The following GIPC2 variants were observed in gnomAD, a reference collection of about 807,000 sequenced individuals.
GIPC2 encodes the protein GIPC PDZ domain containing family member 2.
A neutral mutation model predicts 30.6 loss-of-function variants in GIPC2; 30 were observed. That is an observed-to-expected ratio of 0.98 (90% CI 0.73 to 1.33). GIPC2 has a LOEUF of 1.33. Among genes scored for constraint, GIPC2 ranks in the 40% most tolerant of loss-of-function variants. The probability of loss-of-function intolerance (pLI) is 0.00; values close to 1 mark genes in which losing one functional copy is unlikely to be tolerated. For synonymous variants in GIPC2, 167 were observed against 150.0 expected, an observed-to-expected ratio of 1.11 and a Z score of -0.83; for missense variants, 414 against 390.3, an observed-to-expected ratio of 1.06 and a Z score of -0.51.
chr1:78,111,052 C>T (rs1381694634), intron 3 of GIPC2, among the ~76,000 whole-genome samples: 1 of 152,096 alleles, frequency 6.6e-6, no homozygotes, highest in African/African-American at 2.4e-5. Flanking sequence ...TCTGGCCCAC[C>T]CTTTGATATT....
At chr1:78,127,746 G>A (rs1379467732) in intron 5 of GIPC2, among the ~76,000 whole-genome samples, 7 of 152,162 alleles carry the variant, frequency 4.6e-5, no homozygotes, top group Non-Finnish European at 7.4e-5. Context: ...CTGGAGTGCA[G>A]TGGCACAATC....
At chr1:78,055,444 C>T (rs766493833) in intron 1 of GIPC2, among the ~76,000 whole-genome samples, 22 of 152,240 alleles carry the variant, frequency 1.4e-4, no homozygotes, top group Middle Eastern at 3.4e-3. Context: ...ACAGTTGGAA[C>T]GTTGCTCATT....
intron 5 of GIPC2, among the ~76,000 whole-genome samples, chr1:78,126,301 C>G (rs1662781265): frequency 6.6e-6 from 1 of 152,096 alleles, no homozygotes. Flanking sequence ...TTTGATATAT[C>G]AGAAGTGCAT....
At chr1:78,063,527 A>G (rs1194573183) in intron 1 of GIPC2, among the ~76,000 whole-genome samples, 1 of 151,556 alleles carries the variant, frequency 6.6e-6, no homozygotes, top group East Asian at 2.0e-4. Context: ...AAAACAAAAA[A>G]CATGAAGCAG....
At chr1:78,068,116 T>G (rs956290695) in intron 1 of GIPC2, among the ~76,000 whole-genome samples, 1 of 152,228 alleles carries the variant, frequency 6.6e-6, no homozygotes, top group Non-Finnish European at 1.5e-5. Context: ...TTGTCAATGC[T>G]TATTCTTCTA....
At chr1:78,072,762 A>C (rs944094135) in intron 1 of GIPC2, among the ~76,000 whole-genome samples, 1 of 152,222 alleles carries the variant, frequency 6.6e-6, no homozygotes, top group East Asian at 1.9e-4. Context: ...TCTTATGTAT[A>C]AATATGTGGT....
chr1:78,116,818 A>G (rs993733227), intron 3 of GIPC2, among the ~76,000 whole-genome samples: 4 of 152,182 alleles, frequency 2.6e-5, no homozygotes, highest in African/African-American at 9.7e-5. Context: ...GTAAACATAC[A>G]TGTGCATGTG....
intron 4 of GIPC2, among the ~76,000 whole-genome samples, chr1:78,121,896 G>A (rs911144478): frequency 2.0e-5 from 3 of 152,194 alleles, no homozygotes; most frequent in Non-Finnish European, 4.4e-5. Context: ...TGGCTGTGAG[G>A]AGCCAGGAGA....
intron 3 of GIPC2, among the ~76,000 whole-genome samples, 186 bp from the exon 4 acceptor site, chr1:78,119,207 T>G (rs1419524618): frequency 2.6e-5 from 4 of 152,238 alleles, no homozygotes; most frequent in Non-Finnish European, 5.9e-5. Flanking sequence ...AAAGACTCTC[T>G]TATAAGAATA....
intron 3 of GIPC2, among the ~76,000 whole-genome samples, chr1:78,112,075 T>C (rs1360431413): frequency 1.3e-5 from 2 of 152,252 alleles, no homozygotes; most frequent in African/African-American, 2.4e-5. Flanking sequence ...CCTTGTAAGA[T>C]GTTTTAAGAG....
chr1:78,094,251 T>C (rs1016105206), intron 2 of GIPC2, among the ~76,000 whole-genome samples: 1 of 152,332 alleles, frequency 6.6e-6, no homozygotes, highest in African/African-American at 2.4e-5. Flanking sequence ...TGGGCCTCAA[T>C]TGAAATGATT....
chr1:78,133,640 G>T (rs190676334), intron 5 of GIPC2, among the ~76,000 whole-genome samples: 1 of 152,084 alleles, frequency 6.6e-6, no homozygotes, highest in East Asian at 1.9e-4. Context: ...GATTTATGAG[G>T]GTACAGCATT....
rs1345565841 is a variant in GIPC2 at position 78,099,729 on chromosome 1, C to T, written c.607+4597C>T. ...CTAGGATTACAGGCGTGAGTCACTG[C>T]GCCCAGCCAGGAAAAGCTTTCTAAG... On this transcript the variant is annotated intron_variant, in intron 3 of 5. Coordinates refer to ENST00000370759, the MANE Select transcript of GIPC2 (RefSeq NM_017655.6). Among the ~76,000 whole-genome samples the T allele has an allele frequency of 4.6e-5, 7 of 152,102 alleles. No homozygotes were observed. In the South Asian group the frequency reaches 6.2e-4, roughly 14 times the overall value.
chr1:78,072,425 T>A (rs369425550), intron 1 of GIPC2, among the ~76,000 whole-genome samples: 1 of 151,636 alleles, frequency 6.6e-6, no homozygotes, highest in South Asian at 2.1e-4. Context: ...ATTTACCAAA[T>A]ATTTTGGGGG....
At chr1:78,135,010 T>A (rs985400518) in intron 5 of GIPC2, among the ~76,000 whole-genome samples, 1 of 152,206 alleles carries the variant, frequency 6.6e-6, no homozygotes, top group African/African-American at 2.4e-5. Flanking sequence ...GCCACTTTCA[T>A]GTTCTATCCC....
At chr1:78,059,867 G>A (rs558670909) in intron 1 of GIPC2, among the ~76,000 whole-genome samples, 1 of 152,322 alleles carries the variant, frequency 6.6e-6, no homozygotes, top group Admixed American at 6.5e-5. Flanking sequence ...TAAAACTGAA[G>A]TGCCAATAGC....
At chr1:78,109,747 A>T (rs142406623) in intron 3 of GIPC2, among the ~76,000 whole-genome samples, 1 of 152,274 alleles carries the variant, frequency 6.6e-6, no homozygotes, top group East Asian at 1.9e-4. Context: ...CTTTTGAAAT[A>T]AAATTGGTCT....
intron 5 of GIPC2, among the ~76,000 whole-genome samples, chr1:78,130,690 A>G (rs1662877585): frequency 6.6e-6 from 1 of 152,210 alleles, no homozygotes; most frequent in Non-Finnish European, 1.5e-5. Context: ...GCCATTTTAT[A>G]GATTTGAAAA....
intron 1 of GIPC2, among the ~76,000 whole-genome samples, chr1:78,046,756 C>T (rs996490038): frequency 6.6e-6 from 1 of 152,170 alleles, no homozygotes. Context: ...GTGAGAGTCA[C>T]GCAGGTCATC....
Sources: gnomAD v4.1 joint callset for allele counts (sites outside exome capture counted in the v4.1 genomes callset) on GRCh38, gnomAD v4.1.1 for gene constraint, MANE v1.5 for transcripts, NCBI Gene and HGNC (gene_info 2026-07-23, HGNC 2026-07-21) for gene names.